The following CBLC variants were observed in gnomAD, a reference collection of about 807,000 sequenced individuals.
CBLC encodes E3 ubiquitin-protein ligase CBL-C.
In CBLC, 46 loss-of-function variants were observed where a neutral mutation model predicts 58.6. The observed-to-expected ratio is 0.79, with a 90% CI of 0.62 to 1.00. The LOEUF is 1.00. Among genes scored for constraint, CBLC ranks in the 50% least tolerant of loss-of-function variants. The pLI is 0.00. For missense variants in CBLC, 655 were observed against 625.8 expected, an observed-to-expected ratio of 1.05 and a Z score of -0.50; for synonymous variants, 271 against 264.2, an observed-to-expected ratio of 1.03 and a Z score of -0.25.
chr19:44,778,345 C>T, intron 1 of CBLC, 61 bp downstream of exon 1: 21 of 1,351,482 alleles, frequency 1.6e-5, no homozygotes, highest in Non-Finnish European at 1.9e-5. Flanking sequence ...CTCCCAGCCC[C>T]TCCTCCCCCA....
At chr19:44,796,032 TG>T (rs1968171074) in intron 9 of CBLC, among the ~76,000 whole-genome samples, 1 of 151,994 alleles carries the variant, frequency 6.6e-6, no homozygotes, top group Admixed American at 6.6e-5. Flanking sequence ...CTAACCAACA[TG>T]GTGAAACCCT....
chr19:44,785,716 A>G (rs1055767071), intron 5 of CBLC, among the ~76,000 whole-genome samples: 3 of 152,000 alleles, frequency 2.0e-5, no homozygotes, highest in Admixed American at 1.3e-4. Flanking sequence ...CAGGCGGATC[A>G]CCTGAGATCA....
In CBLC at chr19:44,800,401, C is replaced by T. The variant is rs781728391; in HGVS notation, c.1383C>T (p.Ser461=). 6 of 1,613,084 alleles carry T rather than the reference C, an allele frequency of 3.7e-6. No individual in the cohort carries two copies. In the East Asian group the frequency reaches 1.1e-4, roughly 30 times the overall value. The change falls in exon 10 of 11, where the codon TCC becomes TCT. Residue 461 remains serine (S), a synonymous_variant. Coordinates refer to ENST00000647358, the MANE Select transcript of CBLC (RefSeq NM_012116.4). ...TGCAGAGACTCCTAAAGGGGAACTC[C>T]CCTCCAGCTGCGCTGGGACCCCAGG... ...QPKVRLLKGN[S]PPAALGPQDP... is the part of the protein sequence containing the mutation.
chr19:44,778,100 G>GAGGTGGCCCATTCTCGGC lies in CBLC; in HGVS notation c.170_187dup (p.Arg62_Arg63insGlnValAlaHisSerArg), dbSNP rs772943938. 1 of 1,605,154 alleles carries GAGGTGGCCCATTCTCGGC rather than the reference G, an allele frequency of 6.2e-7. No individual in the cohort carries two copies. The highest frequency in any genetic ancestry group is 1.7e-5 in the Admixed American group (1 of 59,300). On this transcript the variant is annotated inframe_insertion, in exon 1 of 11. Coordinates refer to ENST00000647358, the MANE Select transcript of CBLC (RefSeq NM_012116.4). ...GCCCCGCACAGCGCAGCTGCTTCGA[G>GAGGTGGCCCATTCTCGGC]AGGTGGCCCATTCTCGGCGGGCGGC...
At chr19:44,778,407 G>A in intron 1 of CBLC, 123 bp downstream of exon 1, 1 of 855,400 alleles carries the variant, frequency 1.2e-6, no homozygotes, top group Non-Finnish European at 1.5e-6. Flanking sequence ...CAGGAACTCA[G>A]GCCCCCACCA....
intron 9 of CBLC, among the ~76,000 whole-genome samples, chr19:44,799,616 G>A (rs1968245403): frequency 1.3e-5 from 2 of 152,084 alleles, no homozygotes; most frequent in Admixed American, 6.6e-5. Context: ...ACGGGTGTGA[G>A]CCACCGCGCG....
chr19:44,792,415 C>T lies in CBLC; in HGVS notation c.1038C>T (p.Ser346=), dbSNP rs1968076639. 1.9e-6 allele frequency: 3 copies of T among 1,613,742 alleles called. No homozygotes were observed. The highest frequency in any genetic ancestry group is 1.7e-6 in the Non-Finnish European group (2 of 1,179,960). ...TGCAGCTCTACTGGGCCATGGACTC[C>T]ACATTTGAGCTCTGCAAGATCTGTG... is the stretch of plus-strand genomic sequence containing the variant. ...EQLQLYWAMD[S]TFELCKICAE... Residue 346 remains serine, a synonymous_variant, in exon 7 of 11, where the codon TCC becomes TCT. Transcript: ENST00000647358.
chr19:44,792,560 C>G, intron 7 of CBLC, 46 bp downstream of exon 7: 2 of 1,506,352 alleles, frequency 1.3e-6, no homozygotes, highest in Admixed American at 2.2e-5. Context: ...CTCCCCCTCT[C>G]TACAGGGAAA....
intron 4 of CBLC, among the ~76,000 whole-genome samples, chr19:44,783,584 G>A (rs1454571985): frequency 6.6e-6 from 1 of 152,072 alleles, no homozygotes; most frequent in Non-Finnish European, 1.5e-5. Flanking sequence ...GGGAGGTTGA[G>A]GCACAAGAAT....
intron 9 of CBLC, among the ~76,000 whole-genome samples, chr19:44,798,748 A>C (rs1186255067): frequency 6.6e-6 from 1 of 152,082 alleles, no homozygotes; most frequent in Non-Finnish European, 1.5e-5. Context: ...AAAAGAAAGA[A>C]AGAAAGAAAG....
At chr19:44,799,702 GAGAA>G (rs906610090) in intron 9 of CBLC, among the ~76,000 whole-genome samples, 4 of 149,410 alleles carry the variant, frequency 2.7e-5, no homozygotes, top group South Asian at 2.1e-4. Context: ...GAAAGAGAGA[GAGAA>G]AGAAAGGGAG....
intron 6 of CBLC, among the ~76,000 whole-genome samples, 167 bp from the exon 7 acceptor site, chr19:44,792,216 A>G (rs955475624): frequency 8.0e-5 from 12 of 150,310 alleles, no homozygotes; most frequent in Middle Eastern, 3.5e-3. Context: ...CTGGTCTCGA[A>G]CTCCTGACCT....
At chr19:44,790,884 C>T (rs1374548159) in intron 6 of CBLC, among the ~76,000 whole-genome samples, 1 of 152,144 alleles carries the variant, frequency 6.6e-6, no homozygotes, top group East Asian at 1.9e-4. Flanking sequence ...CCGAGGCCGG[C>T]AGATCACCTG....
chr19:44,800,466 A>C lies in CBLC; in HGVS notation c.*7+16A>C. On this transcript the variant is annotated intron_variant, in intron 10 of 10. Transcript: ENST00000647358. ...TGAAGGCCAGGTGAGTCCATTCCCT[A>C]ACCCTCCCTGGCCCACTCCACCCCA... 6.4e-7 allele frequency: 1 copy of C among 1,573,728 alleles called. No individual in the cohort carries two copies. Among genetic ancestry groups the C allele is most frequent in the Non-Finnish European group, 8.7e-7 (1 of 1,145,032 alleles).
At chr19:44,784,582 G>A (rs1431590966) in intron 5 of CBLC, among the ~76,000 whole-genome samples, 181 bp downstream of exon 5, 2 of 152,130 alleles carry the variant, frequency 1.3e-5, no homozygotes, top group Admixed American at 1.3e-4. Context: ...AGGAAGGGGC[G>A]CCTCTGAGGG....
intron 5 of CBLC, among the ~76,000 whole-genome samples, chr19:44,785,530 A>G (rs1457029246): frequency 9.5e-6 from 1 of 105,742 alleles, no homozygotes; most frequent in Non-Finnish European, 2.0e-5. Context: ...ATAGTCAGAT[A>G]GGTAGATAGA....
intron 5 of CBLC, among the ~76,000 whole-genome samples, chr19:44,786,023 CT>C (rs1467659038): frequency 6.6e-6 from 1 of 152,002 alleles, no homozygotes; most frequent in Admixed American, 6.6e-5. Flanking sequence ...TGGTCTCGAA[CT>C]CCTGAACTCA....
Position 44,800,339 on chromosome 19 carries a change from A to G in CBLC, c.1363-42A>G, listed in dbSNP as rs201089304. The G allele has an allele frequency of 4.4e-6, 6 of 1,363,422 alleles. No individual in the cohort carries two copies. In the East Asian group the frequency reaches 1.4e-4, roughly 31 times the overall value. The allele number at this position is 1,363,422 out of a possible 1,614,324, so 84.5% of individuals were successfully genotyped here. ...GAAGAGGGGCAGAGGGAAAGATTGG[A>G]TGCCGGGAATCAACCGCCCTCTCAA... On this transcript the variant is annotated intron_variant, in intron 9 of 10. Coordinates refer to ENST00000647358, the MANE Select transcript of CBLC (RefSeq NM_012116.4).
At position 44,781,367 on chromosome 19, in the gene CBLC, A is replaced by G; in HGVS notation, c.657+4A>G. 1 of 1,607,084 alleles carries G rather than the reference A, an allele frequency of 6.2e-7. No homozygotes were observed. Among genetic ancestry groups the G allele is most frequent in the Non-Finnish European group, 8.5e-7 (1 of 1,179,404 alleles). Reference sequence around the variant, plus strand: ...CGTCTTCACCAGGCTCTTTCAGGTCAGGGAAGGCCAAGGCTGGGAGCTAGA... The same window carrying G: ...CGTCTTCACCAGGCTCTTTCAGGTCGGGGAAGGCCAAGGCTGGGAGCTAGA... On this transcript the variant is annotated splice_donor_region_variant and intron_variant, in intron 3 of 10. Transcript: ENST00000647358.
Sources: allele counts gnomAD v4.1 joint callset (sites outside exome capture counted in the v4.1 genomes callset), GRCh38; gene constraint gnomAD v4.1.1; transcripts MANE v1.5; gene names NCBI Gene and HGNC (gene_info 2026-07-23, HGNC 2026-07-21).